Variants in TIA1 observed in about 807,000 individuals in gnomAD.
TIA1 encodes the protein TIA1 cytotoxic granule associated RNA binding protein.
Under a neutral mutation model 65.9 loss-of-function variants are expected in TIA1, and 23 were observed. That is an observed-to-expected ratio of 0.35 (90% confidence interval 0.25 to 0.49). The LOEUF is 0.49. TIA1 is among the 20% of genes least tolerant of loss of function. TIA1 has a pLI of 0.98. For synonymous variants in TIA1, 147 were observed against 149.4 expected, an observed-to-expected ratio of 0.98 and a Z score of 0.12; for missense variants, 371 against 477.9, an observed-to-expected ratio of 0.78 and a Z score of 2.09.
In TIA1 at chr2:70,227,837, G is replaced by A. The variant is rs1291653840; in HGVS notation, c.311-15C>T. On this transcript the variant is annotated splice_polypyrimidine_tract_variant and intron_variant, in intron 5 of 12. Coordinates refer to ENST00000433529, the MANE Select transcript of TIA1 (RefSeq NM_022173.4). ...ATGGAAATGATCTTATAAGGGGAAG[G>A]AAGGGGAAGTGAAAAGAAAAATAGA... 5 of 1,556,436 alleles carry A rather than the reference G, an allele frequency of 3.2e-6. No homozygotes were observed. Among genetic ancestry groups the A allele is most frequent in the Non-Finnish European group, 4.4e-6 (5 of 1,140,160 alleles).
chr2:70,243,006 T>G (rs1287924574), intron 1 of TIA1, among the ~76,000 whole-genome samples: 1 of 152,214 alleles, frequency 6.6e-6, no homozygotes, highest in African/African-American at 2.4e-5. Context: ...GCTCTATAAA[T>G]ATCTGTTAAA....
chr2:70,232,612 T>TA (rs1373303300), intron 2 of TIA1, among the ~76,000 whole-genome samples: 4 of 145,922 alleles, frequency 2.7e-5, no homozygotes, highest in Non-Finnish European at 4.5e-5. Context: ...CTCATGCCTG[T>TA]AATCTCAGCA....
intron 1 of TIA1, among the ~76,000 whole-genome samples, chr2:70,246,792 A>C (rs1328622083): frequency 6.6e-6 from 1 of 152,144 alleles, no homozygotes; most frequent in African/African-American, 2.4e-5. Context: ...AGGGTGAGGC[A>C]GGAGAATCAT....
chr2:70,213,420 T>A (rs543598853), intron 12 of TIA1, among the ~76,000 whole-genome samples: 55 of 151,660 alleles, frequency 3.6e-4, no homozygotes, highest in African/African-American at 1.3e-3. Context: ...CTCAGCTCAC[T>A]GCAACCTACG....
At chr2:70,243,675 T>C (rs1490373869) in intron 1 of TIA1, among the ~76,000 whole-genome samples, 1 of 152,224 alleles carries the variant, frequency 6.6e-6, no homozygotes, top group East Asian at 1.9e-4. Context: ...AGACTTTTCA[T>C]TTTTACTTAT....
In TIA1 at chr2:70,231,324, A is replaced by G. The variant is rs117294165; in HGVS notation, c.124-470T>C. ...CTCAAAAACAAACAAACAAAAAAGT[A>G]AACAGCCAGCTCCTGTAGTCCCAGC... On this transcript the variant is annotated intron_variant, in intron 2 of 12. Transcript: ENST00000433529. 1.2e-3 allele frequency among the ~76,000 whole-genome samples: 177 copies of G among 152,096 alleles called. 1 individual carries two copies. The East Asian group carries it at 0.022, about 19-fold the overall frequency.
rs964619732 is a variant in TIA1, at chr2:70,217,542, C to T, written c.475-548G>A. On this transcript the variant is annotated intron_variant, in intron 7 of 12. Transcript: ENST00000433529. ...CCTCCCAAGTAGCTGGGACTACGGG[C>T]ACCTGCCACCACGCCTGGCTCATTT... Among the ~76,000 whole-genome samples the T allele has an allele frequency of 4.6e-5, 7 of 152,252 alleles. No individual in the cohort carries two copies. The East Asian group carries it at 1.4e-3, about 29-fold the overall frequency.
intron 5 of TIA1, 88 bp downstream of exon 5, chr2:70,228,965 CCCCCCT>C: frequency 4.1e-6 from 1 of 244,000 alleles, no homozygotes; most frequent in Non-Finnish European, 6.0e-6. Flanking sequence ...TCTCCTCCCG[CCCCCCT>C]CCCCCAAATA....
chr2:70,242,660 C>T (rs768973068), intron 1 of TIA1, among the ~76,000 whole-genome samples: 29 of 152,188 alleles, frequency 1.9e-4, no homozygotes, highest in African/African-American at 5.8e-4. Context: ...CCAACTCCCC[C>T]CTAGGCCATG....
At chr2:70,245,833 T>C (rs1478830050) in intron 1 of TIA1, among the ~76,000 whole-genome samples, 1 of 151,886 alleles carries the variant, frequency 6.6e-6, no homozygotes, top group East Asian at 1.9e-4. Context: ...GCCATTTAGG[T>C]ATGTGGGTGA....
chr2:70,214,225 C>T, intron 12 of TIA1, 124 bp downstream of exon 12: 1 of 1,073,974 alleles, frequency 9.3e-7, no homozygotes, highest in South Asian at 2.0e-5. Context: ...TAAGTTCTTT[C>T]AAGGCTATAG....
intron 2 of TIA1, among the ~76,000 whole-genome samples, chr2:70,233,622 C>T (rs1001147653): frequency 9.9e-5 from 15 of 152,062 alleles, no homozygotes; most frequent in African/African-American, 3.6e-4. Context: ...GAAAACTAGC[C>T]AGGTGTGGTG....
chr2:70,216,155 G>A (rs2103932722), intron 10 of TIA1, 53 bp downstream of exon 10: 1 of 1,295,212 alleles, frequency 7.7e-7, no homozygotes, highest in South Asian at 1.4e-5. Context: ...TTTATTTTCT[G>A]GTTTTCCAGT....
chr2:70,217,159 A>G (rs2103961273), intron 7 of TIA1, 165 bp from the exon 8 acceptor site: 3 of 507,366 alleles, frequency 5.9e-6, no homozygotes, highest in East Asian at 3.5e-5. Context: ...GGTGCTTTTT[A>G]TATTTTTAAA....
intron 2 of TIA1, 43 bp downstream of exon 2, chr2:70,236,036 T>TAA (rs368044526): frequency 8.9e-5 from 86 of 967,452 alleles, no homozygotes; most frequent in African/African-American, 2.9e-4. Flanking sequence ...AAGTAATGTG[T>TAA]AAAAAAAAAA....
intron 7 of TIA1, among the ~76,000 whole-genome samples, chr2:70,219,644 T>A (rs1022262515): frequency 3.9e-5 from 6 of 152,078 alleles, no homozygotes; most frequent in Non-Finnish European, 7.4e-5. Flanking sequence ...CTGTTTTTTT[T>A]ATTTTTTTAA....
chr2:70,228,756 G>T, intron 5 of TIA1: 2 of 1,291,492 alleles, frequency 1.5e-6, no homozygotes, highest in Non-Finnish European at 2.0e-6. Flanking sequence ...GCATTTGGAA[G>T]ATCTGGGTAT....
At chr2:70,226,396 A>G (rs1376632287) in intron 6 of TIA1, among the ~76,000 whole-genome samples, 1 of 152,186 alleles carries the variant, frequency 6.6e-6, no homozygotes, top group Non-Finnish European at 1.5e-5. Context: ...ATTTAATAAA[A>G]TAGCTACTTA....
At chr2:70,222,588 T>C (rs545769305) in intron 7 of TIA1, among the ~76,000 whole-genome samples, 1 of 152,318 alleles carries the variant, frequency 6.6e-6, no homozygotes, top group East Asian at 1.9e-4. Context: ...TTGAAATTTA[T>C]AGATTTAAAT....
Sources: gnomAD v4.1 joint callset for allele counts (sites outside exome capture counted in the v4.1 genomes callset) on GRCh38, gnomAD v4.1.1 for gene constraint, MANE v1.5 for transcripts, NCBI Gene and HGNC (gene_info 2026-07-23, HGNC 2026-07-21) for gene names.